NOS1: variants seen among roughly 807,000 people sequenced by gnomAD.
The protein encoded by NOS1 is NOS type I.
Under a neutral mutation model 164.5 loss-of-function variants are expected in NOS1, and 51 were observed. The observed-to-expected ratio is 0.31, with a 90% CI of 0.25 to 0.39. The LOEUF is 0.39. Among genes scored for constraint, NOS1 ranks in the 10% least tolerant of loss-of-function variants. The pLI, the probability that NOS1 is intolerant of heterozygous loss-of-function variation, is 1.00. For synonymous variants in NOS1, 719 were observed against 745.8 expected (o/e 0.96, Z 0.59); for missense variants, 1,362 against 1,885.6 (o/e 0.72, Z 5.14).
intron 25 of NOS1, among the ~76,000 whole-genome samples, chr12:117,224,113 G>T (rs1444071633): frequency 6.6e-6 from 1 of 152,184 alleles, no homozygotes; most frequent in African/African-American, 2.4e-5. Flanking sequence ...TTTCATGGGG[G>T]CAAGTTTTTA....
intron 2 of NOS1, among the ~76,000 whole-genome samples, chr12:117,326,703 G>A (rs1875270084): frequency 6.6e-6 from 1 of 152,208 alleles, no homozygotes; most frequent in African/African-American, 2.4e-5. Context: ...CTCCTGAGCT[G>A]GGAAAATAGG....
intron 3 of NOS1, among the ~76,000 whole-genome samples, chr12:117,300,707 A>T (rs757158742): frequency 9.2e-5 from 14 of 152,172 alleles, no homozygotes; most frequent in Non-Finnish European, 1.2e-4. Context: ...GGAAAATCCA[A>T]CTTGGGTATC....
chr12:117,253,864 T>C (rs1248430240), intron 16 of NOS1, 110 bp from the exon 17 acceptor site: 7 of 725,732 alleles, frequency 9.6e-6, no homozygotes, highest in East Asian at 2.5e-5. Context: ...CCTTCTCTTG[T>C]ATGTTGAGTC....
chr12:117,329,339 T>C (rs1002959349), intron 2 of NOS1, among the ~76,000 whole-genome samples: 1 of 151,980 alleles, frequency 6.6e-6, no homozygotes, highest in Non-Finnish European at 1.5e-5. Context: ...GGCCCCCAGA[T>C]TGTGGGGGGC....
In NOS1 at chr12:117,238,453, G is replaced by C. The variant is rs1259776917; in HGVS notation, c.3042-3695C>G. ...ATAAACCCCCCTGCATTTCACCGTG[G>C]ATCTGGCAACCCATTTCTCCAGGAC... On this transcript the variant is annotated intron_variant, in intron 20 of 28. Transcript: ENST00000317775. Among the ~76,000 whole-genome samples the C allele has an allele frequency of 2.0e-5, 3 of 152,168 alleles. No homozygotes were observed. In the South Asian group the frequency reaches 6.2e-4, roughly 32 times the overall value.
At chr12:117,231,448 T>C (rs907356138) in intron 22 of NOS1, among the ~76,000 whole-genome samples, 1 of 151,760 alleles carries the variant, frequency 6.6e-6, no homozygotes, top group East Asian at 1.9e-4. Context: ...CACAAAGAAA[T>C]GATGAATGCT....
At position 117,218,070 on chromosome 12, in the gene NOS1, T is replaced by C; in HGVS notation, c.4265A>G (p.Glu1422Gly). 6.2e-7 allele frequency: 1 copy of C among 1,614,056 alleles called. No homozygotes were observed. The highest frequency in any genetic ancestry group is 8.5e-7 in the Non-Finnish European group (1 of 1,179,920). The part of the protein sequence containing the change: ...RLRSESIAFI[E>G]ESKKDTDEVF... ...CTCATCGGTGTCTTTTTTGCTCTCT[T>C]CAATGAAGGCAATGGACTCAGATCT... The change falls in exon 28 of 29, where the codon GAA becomes GGA. Residue 1422 changes from glutamate to glycine, a missense_variant. By Grantham distance (98) the Glu-to-Gly change is moderately conservative. Around this residue, in one of 4 missense-constraint regions of NOS1, gnomAD observed 737 missense variants for 1,030.3 expected, o/e 0.72. Coordinates refer to ENST00000317775, the MANE Select transcript of NOS1 (RefSeq NM_000620.5).
intron 14 of NOS1, 47 bp from the exon 15 acceptor site, chr12:117,259,177 A>T: frequency 7.7e-7 from 1 of 1,306,430 alleles, no homozygotes. Context: ...GAAGAAGGGG[A>T]TGAGGAGAGA....
intron 12 of NOS1, among the ~76,000 whole-genome samples, 158 bp downstream of exon 12, chr12:117,265,158 C>A (rs1872286839): frequency 6.6e-6 from 1 of 152,186 alleles, no homozygotes; most frequent in African/African-American, 2.4e-5. Flanking sequence ...TATAGTCTCT[C>A]TTGTTCTTTC....
intron 17 of NOS1, among the ~76,000 whole-genome samples, chr12:117,252,909 C>T (rs1031725059): frequency 3.3e-5 from 5 of 152,210 alleles, no homozygotes; most frequent in African/African-American, 1.2e-4. Context: ...TCACATCAGT[C>T]TTGTCTTGAT....
chr12:117,281,961 A>G (rs7970178), intron 7 of NOS1, among the ~76,000 whole-genome samples: 62,809 of 152,128 alleles, frequency 0.41, 13,343 homozygotes, highest in Admixed American at 0.51. Flanking sequence ...ATCATTAAAA[A>G]GCAATCAGCT....
chr12:117,215,839 A>T (rs1163211489), intron 28 of NOS1, among the ~76,000 whole-genome samples: 2 of 149,724 alleles, frequency 1.3e-5, no homozygotes, highest in Non-Finnish European at 3.0e-5. Flanking sequence ...CACAAGTACA[A>T]CTGGCCAGGA....
Position 117,361,197 on chromosome 12 carries a change from T to A in NOS1, c.-421+315A>T, listed in dbSNP as rs576712570. On this transcript the variant is annotated intron_variant, in intron 1 of 28. Coordinates refer to ENST00000317775, the MANE Select transcript of NOS1 (RefSeq NM_000620.5). ...CACCCGCCCGCCCGCCTCGTACTCC[T>A]CCTCTTCCTCCCGGGCGCCCGCGGC... Among the ~76,000 whole-genome samples, 28 of 147,938 alleles carry A rather than the reference T, an allele frequency of 1.9e-4. 1 individual carries two copies. The highest frequency in any genetic ancestry group is 1.0e-3 in the Admixed American group (15 of 15,036).
chr12:117,275,011 T>C (rs1489479851), intron 9 of NOS1, among the ~76,000 whole-genome samples: 2 of 152,038 alleles, frequency 1.3e-5, no homozygotes, highest in African/African-American at 4.8e-5. Context: ...TATTTCAAAA[T>C]AACTTAAAGA....
At chr12:117,341,784 C>T (rs2136085018) in intron 1 of NOS1, among the ~76,000 whole-genome samples, 1 of 152,268 alleles carries the variant, frequency 6.6e-6, no homozygotes, top group African/African-American at 2.4e-5. Context: ...GATTCCTCAT[C>T]TGTAAAGTGG....
chr12:117,291,390 G>A (rs879933968), intron 3 of NOS1, among the ~76,000 whole-genome samples: 1 of 152,064 alleles, frequency 6.6e-6, no homozygotes, highest in African/African-American at 2.4e-5. Context: ...CCATGGAAGA[G>A]CCTCTTTATG....
At chr12:117,322,685 C>T (rs1219863099) in intron 2 of NOS1, among the ~76,000 whole-genome samples, 1 of 48,774 alleles carries the variant, frequency 2.1e-5, no homozygotes, top group African/African-American at 6.3e-5. Context: ...TTCCTTTCTT[C>T]CTTCCTTCCT....
At position 117,268,673 on chromosome 12, in the gene NOS1, T is replaced by A. The variant is rs575796278; in HGVS notation, c.1840-529A>T. On this transcript the variant is annotated intron_variant, in intron 10 of 28. Coordinates refer to ENST00000317775, the MANE Select transcript of NOS1 (RefSeq NM_000620.5). Reference sequence around the variant, plus strand: ...GGCACGATCTTGGCTCACTGCAAGCTCCGCCTCTTGGGTTCATGCCATTCT... The same window carrying A: ...GGCACGATCTTGGCTCACTGCAAGCACCGCCTCTTGGGTTCATGCCATTCT... Among the ~76,000 whole-genome samples the A allele has an allele frequency of 5.4e-5, 8 of 146,800 alleles. No individual in the cohort carries two copies. The South Asian group carries it at 1.5e-3, about 28-fold the overall frequency.
rs116934100 is a variant in NOS1, at chr12:117,321,830, G to A, written c.725+8515C>T. On this transcript the variant is annotated intron_variant, in intron 2 of 28. Coordinates refer to ENST00000317775, the MANE Select transcript of NOS1 (RefSeq NM_000620.5). ...GTTCTAATGGAGAATTCTAACTAGC[G>A]TGAGTCCTCGAAGCAAAAACCGAGC... is the stretch of plus-strand genomic sequence containing the variant. Among the ~76,000 whole-genome samples the A allele has an allele frequency of 2.2e-4, 33 of 152,204 alleles. No individual in the cohort carries two copies. The East Asian group carries it at 6.2e-3, about 29-fold the overall frequency.
Sources: gnomAD v4.1 joint callset for allele counts (sites outside exome capture counted in the v4.1 genomes callset) on GRCh38, gnomAD v4.1.1 for gene constraint, gnomAD v4.1.1 regional missense constraint, MANE v1.5 for transcripts, NCBI Gene and HGNC (gene_info 2026-07-23, HGNC 2026-07-21) for gene names.